SUPT3H: variants seen among roughly 807,000 people sequenced by gnomAD.
SUPT3H encodes the protein transcription initiation protein SPT3 homolog.
A neutral mutation model predicts 44.3 loss-of-function variants in SUPT3H; 44 were observed. The observed-to-expected ratio is 0.99, with a 90% CI of 0.78 to 1.28. The LOEUF (loss-of-function observed/expected upper bound fraction) is 1.28. SUPT3H is among the 50% of genes most tolerant of loss of function. The pLI, the probability that SUPT3H is intolerant of heterozygous loss-of-function variation, is 0.00. For synonymous variants in SUPT3H, 124 were observed against 125.6 expected, an observed-to-expected ratio of 0.99 and a Z score of 0.09; for missense variants, 380 against 387.1, an observed-to-expected ratio of 0.98 and a Z score of 0.15.
At chr6:45,311,388 C>A (rs1370670941) in intron 2 of SUPT3H, among the ~76,000 whole-genome samples, 3 of 152,138 alleles carry the variant, frequency 2.0e-5, no homozygotes, top group Non-Finnish European at 4.4e-5. Flanking sequence ...GAAAACATAT[C>A]TGGGGGAATA....
At chr6:45,340,242 TAAGA>T (rs1443583227) in intron 2 of SUPT3H, among the ~76,000 whole-genome samples, 1 of 152,060 alleles carries the variant, frequency 6.6e-6, no homozygotes, top group Non-Finnish European at 1.5e-5. Context: ...CACATATCTT[TAAGA>T]AATACTAATC....
chr6:44,946,635 C>T (rs1189887109), intron 9 of SUPT3H, among the ~76,000 whole-genome samples: 1 of 152,136 alleles, frequency 6.6e-6, no homozygotes, highest in Non-Finnish European at 1.5e-5. Flanking sequence ...TGCTCAATCT[C>T]ATGATAAAAC....
intron 2 of SUPT3H, among the ~76,000 whole-genome samples, chr6:45,209,260 C>A (rs1763706837): frequency 6.6e-6 from 1 of 152,146 alleles, no homozygotes; most frequent in African/African-American, 2.4e-5. Context: ...CTTTCGAAAT[C>A]TATTTCATGA....
intron 10 of SUPT3H, among the ~76,000 whole-genome samples, chr6:44,870,866 C>T (rs527525299): frequency 1.5e-4 from 23 of 151,792 alleles, no homozygotes; most frequent in African/African-American, 2.4e-4. Context: ...GTTCCCTTTC[C>T]GAGTCAAAGA....
intron 10 of SUPT3H, among the ~76,000 whole-genome samples, chr6:44,891,996 T>C (rs998599762): frequency 6.6e-6 from 1 of 152,042 alleles, no homozygotes; most frequent in Admixed American, 6.6e-5. Flanking sequence ...CTTTTATATA[T>C]TTATTATTTC....
chr6:45,058,122 T>C lies in SUPT3H; in HGVS notation c.187-37490A>G, dbSNP rs1401692360. 5.3e-5 allele frequency among the ~76,000 whole-genome samples: 8 copies of C among 152,208 alleles called. No individual in the cohort carries two copies. The East Asian group carries it at 1.5e-3, about 29-fold the overall frequency. On this transcript the variant is annotated intron_variant, in intron 3 of 10. Coordinates refer to ENST00000371459, the MANE Select transcript of SUPT3H (RefSeq NM_003599.4). ...AATGTGCATTAGTGGATTATTTTGA[T>C]AGAAAACAGATTCCATTTTAAACTC...
intron 5 of SUPT3H, among the ~76,000 whole-genome samples, chr6:45,009,331 T>C (rs938454185): frequency 6.6e-6 from 1 of 152,174 alleles, no homozygotes; most frequent in Non-Finnish European, 1.5e-5. Context: ...AGTCCAATTT[T>C]CCCTTTTTCT....
chr6:45,282,164 TC>T (rs1028585742), intron 2 of SUPT3H, among the ~76,000 whole-genome samples: 1 of 151,898 alleles, frequency 6.6e-6, no homozygotes, highest in Non-Finnish European at 1.5e-5. Context: ...AACTGGAAAT[TC>T]TAAAAATCAG....
Position 44,870,412 on chromosome 6 carries a change from C to T in SUPT3H, c.913-40555G>A, listed in dbSNP as rs918907852. ...AGGAGCTCAAGACCAGCCTGGGCAA[C>T]ACGGTGAAACTCCATCTCTACGAAA... On this transcript the variant is annotated intron_variant, in intron 10 of 10. Transcript: ENST00000371459. Among the ~76,000 whole-genome samples, 7 of 152,060 alleles carry T rather than the reference C, an allele frequency of 4.6e-5. No homozygotes were observed. The East Asian group carries it at 5.8e-4, about 13-fold the overall frequency.
At chr6:45,292,262 C>A (rs1423068009) in intron 2 of SUPT3H, among the ~76,000 whole-genome samples, 1 of 152,108 alleles carries the variant, frequency 6.6e-6, no homozygotes, top group Non-Finnish European at 1.5e-5. Context: ...ACTACCAAGC[C>A]ACCACTACAC....
intron 2 of SUPT3H, among the ~76,000 whole-genome samples, chr6:45,170,736 T>C (rs748271617): frequency 1.3e-5 from 2 of 152,230 alleles, no homozygotes; most frequent in African/African-American, 2.4e-5. Flanking sequence ...TTTACTTAAC[T>C]TGGATCCTAC....
intron 2 of SUPT3H, among the ~76,000 whole-genome samples, chr6:45,211,786 T>C (rs564652054): frequency 1.5e-3 from 225 of 151,978 alleles, no homozygotes; most frequent in African/African-American, 5.2e-3. Flanking sequence ...GAGGCGGACG[T>C]TGCAGTAAAC....
intron 3 of SUPT3H, among the ~76,000 whole-genome samples, chr6:45,078,209 C>T (rs1421939307): frequency 1.3e-5 from 2 of 152,162 alleles, no homozygotes; most frequent in South Asian, 2.1e-4. Flanking sequence ...TCCTTTCATG[C>T]TCTACTGTTT....
chr6:45,202,264 A>G (rs917790290), intron 2 of SUPT3H, among the ~76,000 whole-genome samples: 2 of 152,016 alleles, frequency 1.3e-5, no homozygotes, highest in Non-Finnish European at 2.9e-5. Flanking sequence ...ATCTTTTAAT[A>G]ATGATGATAC....
chr6:45,321,791 C>G (rs781672542), intron 2 of SUPT3H: 9 of 1,596,934 alleles, frequency 5.6e-6, no homozygotes, highest in Admixed American at 1.7e-5. Flanking sequence ...TTTCCCACTA[C>G]TTACCTGCCA....
intron 1 of SUPT3H, 69 bp from the exon 2 acceptor site, chr6:45,365,370 AGC>A: frequency 1.9e-6 from 2 of 1,070,680 alleles, no homozygotes; most frequent in Non-Finnish European, 2.7e-6. Context: ...AAAAAAAGAA[AGC>A]AAATATAAAT....
intron 10 of SUPT3H, among the ~76,000 whole-genome samples, chr6:44,886,207 A>G (rs1245709300): frequency 2.0e-5 from 3 of 152,248 alleles, no homozygotes; most frequent in African/African-American, 7.2e-5. Flanking sequence ...GATATTATCC[A>G]GGAGAACTTC....
At chr6:45,081,184 AAC>A (rs1028838739) in intron 3 of SUPT3H, among the ~76,000 whole-genome samples, 5 of 152,010 alleles carry the variant, frequency 3.3e-5, no homozygotes, top group African/African-American at 1.2e-4. Context: ...CAGAGAGAAA[AAC>A]AATGCCTACA....
At chr6:44,869,564 T>A (rs781712959) in intron 10 of SUPT3H, among the ~76,000 whole-genome samples, 1 of 152,230 alleles carries the variant, frequency 6.6e-6, no homozygotes, top group Non-Finnish European at 1.5e-5. Context: ...GTCTTATCTA[T>A]GTAAATGCAA....
Sources: gnomAD v4.1 joint callset for allele counts (sites outside exome capture counted in the v4.1 genomes callset) on GRCh38, gnomAD v4.1.1 for gene constraint, MANE v1.5 for transcripts, NCBI Gene and HGNC (gene_info 2026-07-23, HGNC 2026-07-21) for gene names.